DAB1: variants seen among roughly 807,000 people sequenced by gnomAD.
The protein encoded by DAB1 is disabled homolog 1.
DAB1 carries 15 observed loss-of-function variants against 64.6 expected under a neutral mutation model. The observed-to-expected ratio is 0.23, with a 90% CI of 0.16 to 0.36. The LOEUF is 0.36. Among genes scored for constraint, DAB1 ranks in the 10% least tolerant of loss-of-function variants. The probability of loss-of-function intolerance (pLI) is 1.00; values close to 1 mark genes in which losing one functional copy is unlikely to be tolerated. For synonymous variants in DAB1, 235 were observed against 251.9 expected (o/e 0.93, Z 0.64); for missense variants, 596 against 706.7 (o/e 0.84, Z 1.78).
chr1:58,074,564 G>GTGTATATATA (rs1332531604), intron 5 of DAB1: 9 of 91,640 alleles, frequency 9.8e-5, no homozygotes, highest in African/African-American at 3.9e-4. Context: ...ATATATGTGT[G>GTGTATATATA]TATATATATA....
At chr1:58,145,279 G>A (rs748874655) in intron 5 of DAB1, among the ~76,000 whole-genome samples, 2 of 152,208 alleles carry the variant, frequency 1.3e-5, no homozygotes, top group Admixed American at 1.3e-4. Context: ...ATACCTGCAG[G>A]TGCAGTGCCC....
intron 6 of DAB1, among the ~76,000 whole-genome samples, chr1:57,756,290 GT>G (rs1217093579): frequency 1.3e-5 from 2 of 152,026 alleles, no homozygotes. Flanking sequence ...TTAATACAAA[GT>G]TTGATTAATA....
At chr1:57,775,326 T>G (rs1444608459) in intron 6 of DAB1, among the ~76,000 whole-genome samples, 1 of 151,644 alleles carries the variant, frequency 6.6e-6, no homozygotes, top group Non-Finnish European at 1.5e-5. Flanking sequence ...TTTGCTGTTT[T>G]TAATAGCTTC....
Position 58,056,846 on chromosome 1 carries a change from C to T in DAB1, n.387+93665G>A, listed in dbSNP as rs148732891. On this transcript the variant is annotated intron_variant and non_coding_transcript_variant, in intron 5 of 20. Coordinates refer to the DAB1 transcript ENST00000485760. ...CCTTTCTCAACCAAAAGTCACTGCT[C>T]TGCTCAAGGTGGCTTCTTCACAGGA... 2.0e-5 allele frequency among the ~76,000 whole-genome samples: 3 copies of T among 152,194 alleles called. No individual in the cohort carries two copies. The East Asian group carries it at 5.8e-4, about 29-fold the overall frequency.
At chr1:57,544,831 G>A (rs1644838902) in intron 7 of DAB1, among the ~76,000 whole-genome samples, 2 of 152,216 alleles carry the variant, frequency 1.3e-5, no homozygotes, top group South Asian at 4.1e-4. Flanking sequence ...TGTGAAGAAG[G>A]ATGTGTTTGC....
intron 4 of DAB1, among the ~76,000 whole-genome samples, chr1:58,197,265 G>A (rs555779498): frequency 1.3e-5 from 2 of 152,284 alleles, no homozygotes; most frequent in African/African-American, 4.8e-5. Flanking sequence ...CCAGAACAGT[G>A]AGAATTAAAT....
At chr1:57,716,443 T>C (rs1647084988) in intron 6 of DAB1, among the ~76,000 whole-genome samples, 1 of 152,152 alleles carries the variant, frequency 6.6e-6, no homozygotes, top group Non-Finnish European at 1.5e-5. Context: ...CATGTATTTA[T>C]AGCCAGCTGA....
chr1:58,099,016 G>A (rs1651156809), intron 5 of DAB1, among the ~76,000 whole-genome samples: 1 of 152,178 alleles, frequency 6.6e-6, no homozygotes, highest in South Asian at 2.1e-4. Flanking sequence ...AAGAGATCCA[G>A]AACAACTCTA....
chr1:57,149,017 C>T (rs898712051), intron 2 of DAB1, among the ~76,000 whole-genome samples: 8 of 152,212 alleles, frequency 5.3e-5, no homozygotes, highest in South Asian at 2.1e-4. Context: ...TTCCCATTCC[C>T]TCTGGTGCTA....
At chr1:58,466,965 C>T (rs180734595) in intron 3 of DAB1, among the ~76,000 whole-genome samples, 27 of 152,314 alleles carry the variant, frequency 1.8e-4, no homozygotes, top group Non-Finnish European at 3.2e-4. Context: ...TATGTGAATA[C>T]ATGAGTGAGT....
At chr1:57,748,525 T>G (rs1648393421) in intron 6 of DAB1, among the ~76,000 whole-genome samples, 1 of 129,636 alleles carries the variant, frequency 7.7e-6, no homozygotes, top group Admixed American at 8.2e-5. Context: ...TTATGCTTAT[T>G]TAATTGGATA....
intron 5 of DAB1, among the ~76,000 whole-genome samples, chr1:57,921,291 A>G (rs1364335482): frequency 1.3e-5 from 2 of 152,208 alleles, no homozygotes; most frequent in Admixed American, 6.5e-5. Flanking sequence ...CTGGAAAAAT[A>G]TGGAAGAGAT....
intron 5 of DAB1, among the ~76,000 whole-genome samples, chr1:58,016,528 C>T (rs2100442874): frequency 6.6e-6 from 1 of 152,242 alleles, no homozygotes; most frequent in East Asian, 1.9e-4. Flanking sequence ...CCTTGATGTC[C>T]CACAGGTACT....
intron 7 of DAB1, among the ~76,000 whole-genome samples, chr1:57,471,823 T>C (rs1024816321): frequency 6.6e-6 from 1 of 152,218 alleles, no homozygotes; most frequent in African/African-American, 2.4e-5. Flanking sequence ...TCCAAAATTG[T>C]CATATATCTG....
intron 6 of DAB1, among the ~76,000 whole-genome samples, chr1:57,697,141 G>A (rs1646854072): frequency 6.6e-6 from 1 of 152,116 alleles, no homozygotes; most frequent in Non-Finnish European, 1.5e-5. Flanking sequence ...TCAAGTCATA[G>A]TTGTTCATTT....
intron 6 of DAB1, among the ~76,000 whole-genome samples, chr1:57,751,996 G>A (rs535802821): frequency 2.6e-5 from 4 of 152,336 alleles, no homozygotes; most frequent in Admixed American, 2.6e-4. Flanking sequence ...AGAGGAAGAA[G>A]CTTCGCAATG....
chr1:57,923,702 TA>T (rs1409100249), intron 5 of DAB1, among the ~76,000 whole-genome samples: 1 of 152,224 alleles, frequency 6.6e-6, no homozygotes, highest in African/African-American at 2.4e-5. Context: ...GTCGTGGATA[TA>T]ACAGGGCTGA....
chr1:57,277,749 G>A (rs1232132829), intron 2 of DAB1, among the ~76,000 whole-genome samples: 1 of 152,156 alleles, frequency 6.6e-6, no homozygotes, highest in African/African-American at 2.4e-5. Flanking sequence ...CATTGTTGGA[G>A]ATAATTCTCC....
intron 1 of DAB1, among the ~76,000 whole-genome samples, chr1:57,318,267 C>T (rs1429633951): frequency 6.6e-6 from 1 of 151,782 alleles, no homozygotes; most frequent in Non-Finnish European, 1.5e-5. Context: ...TCCAAACCAA[C>T]CACACAATTC....
Sources: allele counts gnomAD v4.1 joint callset (sites outside exome capture counted in the v4.1 genomes callset), GRCh38; gene constraint gnomAD v4.1.1; transcripts MANE v1.5; gene names NCBI Gene and HGNC (gene_info 2026-07-23, HGNC 2026-07-21).